The following PSD3 variants were observed in gnomAD, a reference collection of about 807,000 sequenced individuals.
The protein encoded by PSD3 is PH and SEC7 domain-containing protein 3.
A neutral mutation model predicts 105.5 loss-of-function variants in PSD3; 49 were observed. The observed-to-expected ratio is 0.46, with a 90% CI of 0.37 to 0.59. The LOEUF (loss-of-function observed/expected upper bound fraction) is 0.59. Among genes scored for constraint, PSD3 ranks in the 20% least tolerant of loss-of-function variants. The probability of loss-of-function intolerance (pLI) is 0.00; values close to 1 mark genes in which losing one functional copy is unlikely to be tolerated. For synonymous variants in PSD3, 557 were observed against 457.8 expected, an observed-to-expected ratio of 1.22 and a Z score of -2.77; for missense variants, 1,561 against 1,263.8, an observed-to-expected ratio of 1.24 and a Z score of -3.57.
chr8:18,602,159 A>C (rs1393491610), intron 11 of PSD3, among the ~76,000 whole-genome samples: 1 of 152,150 alleles, frequency 6.6e-6, no homozygotes, highest in Non-Finnish European at 1.5e-5. Flanking sequence ...CCGAGCCCTA[A>C]AACTAATTTA....
intron 1 of PSD3, among the ~76,000 whole-genome samples, chr8:18,941,759 G>A (rs1299911213): frequency 2.9e-5 from 4 of 136,060 alleles, no homozygotes; most frequent in East Asian, 2.3e-4. Flanking sequence ...TGCAACCTCC[G>A]CCTCCCGGGT....
intron 2 of PSD3, among the ~76,000 whole-genome samples, chr8:18,928,644 ACAGT>A (rs1386260536): frequency 6.6e-6 from 1 of 152,200 alleles, no homozygotes; most frequent in Non-Finnish European, 1.5e-5. Flanking sequence ...GCCTAGAATG[ACAGT>A]CAGTGGGTGT....
At chr8:19,054,782 A>C (rs937453251) in intron 1 of PSD3, among the ~76,000 whole-genome samples, 29 of 152,360 alleles carry the variant, frequency 1.9e-4, no homozygotes, top group African/African-American at 6.5e-4. Context: ...CTGATAGCAC[A>C]AACAATATTA....
At chr8:18,561,641 C>G (rs995151189) in intron 14 of PSD3, among the ~76,000 whole-genome samples, 2 of 152,074 alleles carry the variant, frequency 1.3e-5, no homozygotes, top group East Asian at 3.9e-4. Flanking sequence ...AGCAAAACAT[C>G]ACAATTATAC....
At chr8:19,000,468 C>CTT (rs1347956173) in intron 1 of PSD3, 2,582 of 150,904 alleles carry the variant, frequency 0.017, 56 homozygotes, top group Middle Eastern at 0.042. Flanking sequence ...TCTGAGACTG[C>CTT]TACATCACAC....
At chr8:18,903,193 C>T (rs1023096865) in intron 2 of PSD3, among the ~76,000 whole-genome samples, 5 of 152,096 alleles carry the variant, frequency 3.3e-5, no homozygotes, top group African/African-American at 7.2e-5. Flanking sequence ...AAGCACTCAC[C>T]CAACTCCAGG....
intron 1 of PSD3, among the ~76,000 whole-genome samples, chr8:19,073,859 C>G (rs775924886): frequency 1.3e-5 from 2 of 151,350 alleles, no homozygotes; most frequent in Non-Finnish European, 2.9e-5. Context: ...GGTAGGATCT[C>G]GGCTCACTGC....
At chr8:18,975,553 GA>G (rs1824899578) in intron 1 of PSD3, among the ~76,000 whole-genome samples, 1 of 152,138 alleles carries the variant, frequency 6.6e-6, no homozygotes. Context: ...GATTAAAATA[GA>G]AAGAGTAAAA....
Position 18,753,890 on chromosome 8 carries a change from C to A in PSD3, c.2172+11559G>T, listed in dbSNP as rs547120246. On this transcript the variant is annotated intron_variant, in intron 9 of 15. Coordinates refer to ENST00000327040, the MANE Select transcript of PSD3 (RefSeq NM_015310.4). ...CCATTCTGAGAGGCTACTGACGACA[C>A]AGATTTGACTGCCTCTCTTCAAAAC... is the stretch of plus-strand genomic sequence containing the variant. 9.2e-5 allele frequency among the ~76,000 whole-genome samples: 14 copies of A among 152,248 alleles called. 1 individual carries two copies. The South Asian group carries it at 2.7e-3, about 29-fold the overall frequency.
At chr8:18,825,159 T>C (rs984696267) in intron 4 of PSD3, among the ~76,000 whole-genome samples, 1 of 152,154 alleles carries the variant, frequency 6.6e-6, no homozygotes, top group Non-Finnish European at 1.5e-5. Context: ...TGGGAAATTG[T>C]TAGAGGCAAC....
At chr8:18,593,827 A>T (rs1263216575) in intron 12 of PSD3, among the ~76,000 whole-genome samples, 1 of 151,688 alleles carries the variant, frequency 6.6e-6, no homozygotes, top group African/African-American at 2.4e-5. Context: ...CTTTGTAGGG[A>T]CATGGATGAA....
At chr8:18,790,741 CT>C (rs1809641408) in intron 8 of PSD3, among the ~76,000 whole-genome samples, 1 of 152,028 alleles carries the variant, frequency 6.6e-6, no homozygotes, top group Non-Finnish European at 1.5e-5. Flanking sequence ...ACTGTGAGAT[CT>C]AGCCCTGATC....
At chr8:18,898,926 T>C (rs1014885415) in intron 2 of PSD3, among the ~76,000 whole-genome samples, 1 of 152,158 alleles carries the variant, frequency 6.6e-6, no homozygotes, top group African/African-American at 2.4e-5. Context: ...ACAGACATAA[T>C]CATAGTTTCT....
chr8:18,540,930 A>G (rs1800117167), intron 15 of PSD3, among the ~76,000 whole-genome samples: 1 of 151,994 alleles, frequency 6.6e-6, no homozygotes, highest in Admixed American at 6.6e-5. Context: ...ACACACTCCT[A>G]TTCGAGGACC....
At chr8:18,648,112 A>G (rs1808189927) in intron 10 of PSD3, among the ~76,000 whole-genome samples, 2 of 141,250 alleles carry the variant, frequency 1.4e-5, no homozygotes, top group Non-Finnish European at 3.1e-5. Flanking sequence ...ATGGGTCCCA[A>G]GAAGTGGGGA....
chr8:19,081,943 G>C (rs541502672), intron 1 of PSD3, among the ~76,000 whole-genome samples: 1 of 152,074 alleles, frequency 6.6e-6, no homozygotes, highest in Non-Finnish European at 1.5e-5. Context: ...TAAGTTCATC[G>C]ACTGAAAGCT....
chr8:18,737,293 T>C (rs1804222822), intron 9 of PSD3, among the ~76,000 whole-genome samples: 2 of 152,150 alleles, frequency 1.3e-5, no homozygotes, highest in Admixed American at 1.3e-4. Flanking sequence ...AACTTTAATT[T>C]GAACCCAGGT....
intron 3 of PSD3, among the ~76,000 whole-genome samples, chr8:18,869,166 C>G (rs1315934818): frequency 6.6e-6 from 1 of 150,578 alleles, no homozygotes; most frequent in African/African-American, 2.5e-5. Flanking sequence ...CCTCTCCACA[C>G]TCACTGCACC....
At chr8:18,888,569 A>G (rs1377679187) in intron 2 of PSD3, among the ~76,000 whole-genome samples, 1 of 152,180 alleles carries the variant, frequency 6.6e-6, no homozygotes, top group Non-Finnish European at 1.5e-5. Context: ...CAGAGTAGCA[A>G]CCAGTATAGA....
Sources: allele counts gnomAD v4.1 joint callset (sites outside exome capture counted in the v4.1 genomes callset), GRCh38; gene constraint gnomAD v4.1.1; transcripts MANE v1.5; gene names NCBI Gene and HGNC (gene_info 2026-07-23, HGNC 2026-07-21).